The following TNFSF4 variants were observed in gnomAD, a reference collection of about 807,000 sequenced individuals.
TNFSF4 encodes the protein tumor necrosis factor ligand superfamily member 4.
A neutral mutation model predicts 7.3 loss-of-function variants in TNFSF4; 4 were observed. That is an observed-to-expected ratio of 0.55 (90% confidence interval 0.27 to 1.25). The LOEUF (loss-of-function observed/expected upper bound fraction) is 1.25. Among genes scored for constraint, TNFSF4 ranks in the 50% most tolerant of loss-of-function variants. TNFSF4 has a pLI of 0.12. For missense variants in TNFSF4, 181 were observed against 208.8 expected (o/e 0.87, Z 0.82); for synonymous variants, 76 against 83.7 (o/e 0.91, Z 0.50).
At chr1:173,321,578 A>G in the TNFSF4 span, among the ~76,000 whole-genome samples, 4 of 152,270 alleles carry the variant, frequency 2.6e-5, no homozygotes, top group African/African-American at 9.6e-5. Context: ...CAAGATACCC[A>G]TATGACAAAG....
chr1:173,340,259 T>C, the TNFSF4 span, among the ~76,000 whole-genome samples: 2 of 151,926 alleles, frequency 1.3e-5, no homozygotes, highest in East Asian at 1.9e-4. Context: ...TTGCCAACTG[T>C]AGGCATTGGG....
chr1:173,401,438 G>T, the TNFSF4 span, among the ~76,000 whole-genome samples: 1 of 152,140 alleles, frequency 6.6e-6, no homozygotes, highest in South Asian at 2.1e-4. Context: ...CAGATGAAAT[G>T]GGTGTTTGGA....
intron 1 of TNFSF4, among the ~76,000 whole-genome samples, chr1:173,194,692 G>GGT (rs1450305693): frequency 4.6e-5 from 7 of 151,758 alleles, no homozygotes; most frequent in African/African-American, 1.7e-4. Context: ...GGACCAGCCT[G>GGT]GACAACATGG....
the TNFSF4 span, among the ~76,000 whole-genome samples, chr1:173,428,442 C>CA: frequency 6.6e-6 from 1 of 152,002 alleles, no homozygotes; most frequent in Non-Finnish European, 1.5e-5. Context: ...GATAACAAAA[C>CA]AGAGAGGGAC....
chr1:173,269,860 T>A, the TNFSF4 span, among the ~76,000 whole-genome samples: 3 of 152,146 alleles, frequency 2.0e-5, no homozygotes, highest in Non-Finnish European at 4.4e-5. Context: ...ATTTGATTCA[T>A]GTTTTAACAT....
the TNFSF4 span, among the ~76,000 whole-genome samples, chr1:173,304,298 G>A: frequency 4.6e-5 from 7 of 151,884 alleles, no homozygotes; most frequent in African/African-American, 1.7e-4. Context: ...CTCATATCAT[G>A]GCAGTGCTGA....
chr1:173,323,329 A>T, the TNFSF4 span, among the ~76,000 whole-genome samples: 2 of 152,208 alleles, frequency 1.3e-5, no homozygotes, highest in Non-Finnish European at 2.9e-5. Flanking sequence ...GAGGGTCCTG[A>T]CTATTAGAAG....
chr1:173,426,491 T>C, the TNFSF4 span, among the ~76,000 whole-genome samples: 2 of 152,218 alleles, frequency 1.3e-5, no homozygotes, highest in Non-Finnish European at 2.9e-5. Flanking sequence ...CTGCTTTACA[T>C]GGTCAAAGGG....
At chr1:173,393,435 T>A in the TNFSF4 span, among the ~76,000 whole-genome samples, 2 of 152,200 alleles carry the variant, frequency 1.3e-5, no homozygotes, top group African/African-American at 4.8e-5. Context: ...ACTTGCTCCT[T>A]TCGCCCTTTG....
the TNFSF4 span, among the ~76,000 whole-genome samples, chr1:173,326,236 C>G: frequency 6.6e-6 from 1 of 152,116 alleles, no homozygotes; most frequent in Admixed American, 6.6e-5. Context: ...AAACATAATC[C>G]AGCATATAAA....
chr1:173,430,574 C>T, the TNFSF4 span, among the ~76,000 whole-genome samples: 14 of 152,286 alleles, frequency 9.2e-5, no homozygotes, highest in African/African-American at 3.4e-4. Context: ...TTGCTTATAA[C>T]TTGGTATTCA....
the TNFSF4 span, chr1:173,175,484 T>A: frequency 6.6e-6 from 1 of 152,216 alleles, no homozygotes; most frequent in African/African-American, 2.4e-5. Flanking sequence ...TCTTATATTA[T>A]CCATTCCTTG....
chr1:173,408,646 G>C, the TNFSF4 span, among the ~76,000 whole-genome samples: 1 of 151,880 alleles, frequency 6.6e-6, no homozygotes, highest in African/African-American at 2.4e-5. Context: ...TCAGGCTGGA[G>C]TGCAGTGGCT....
chr1:173,262,932 G>A, the TNFSF4 span, among the ~76,000 whole-genome samples: 3 of 151,986 alleles, frequency 2.0e-5, no homozygotes, highest in Non-Finnish European at 4.4e-5. Flanking sequence ...AAACAACTTC[G>A]GCAACATCTC....
chr1:173,430,667 A>G, the TNFSF4 span, among the ~76,000 whole-genome samples: 1 of 152,240 alleles, frequency 6.6e-6, no homozygotes, highest in East Asian at 1.9e-4. Flanking sequence ...TGAAGGGTCT[A>G]TAGAGTTGTT....
chr1:173,305,863 C>T, the TNFSF4 span, among the ~76,000 whole-genome samples: 29 of 151,934 alleles, frequency 1.9e-4, no homozygotes, highest in Middle Eastern at 3.4e-3. Context: ...ATCCAGTCAC[C>T]TCCTTCCCTC....
At chr1:173,219,020 CT>C in the TNFSF4 span, among the ~76,000 whole-genome samples, 45 of 151,222 alleles carry the variant, frequency 3.0e-4, no homozygotes, top group South Asian at 6.3e-4. Flanking sequence ...TATTCAAATT[CT>C]TTTTTTTTCA....
chr1:173,413,526 A>T, the TNFSF4 span, among the ~76,000 whole-genome samples: 7 of 152,332 alleles, frequency 4.6e-5, no homozygotes. Context: ...AGCGCTCCAG[A>T]ATCACAGAGA....
At chr1:173,281,810 A>G in the TNFSF4 span, among the ~76,000 whole-genome samples, 1 of 152,252 alleles carries the variant, frequency 6.6e-6, no homozygotes, top group South Asian at 2.1e-4. Flanking sequence ...CTCATTTAAT[A>G]CTCACAACCA....
Sources: allele counts gnomAD v4.1 joint callset (sites outside exome capture counted in the v4.1 genomes callset), GRCh38; gene constraint gnomAD v4.1.1; transcripts MANE v1.5; gene names NCBI Gene and HGNC (gene_info 2026-07-23, HGNC 2026-07-21).